The following ZNF331 variants were observed in gnomAD, a reference collection of about 807,000 sequenced individuals.
ZNF331 encodes C2H2-like zinc finger protein rearranged in thyroid adenomas.
In ZNF331, 2 loss-of-function variants were observed where a neutral mutation model predicts 7.0. That is an observed-to-expected ratio of 0.29 (90% confidence interval 0.12 to 0.90). The LOEUF (loss-of-function observed/expected upper bound fraction) is 0.90. Among genes scored for constraint, ZNF331 ranks in the 40% least tolerant of loss-of-function variants. The pLI is 0.58. For missense variants in ZNF331, 432 were observed against 587.7 expected, an observed-to-expected ratio of 0.74 and a Z score of 2.74; for synonymous variants, 196 against 205.4, an observed-to-expected ratio of 0.95 and a Z score of 0.39.
At chr19:53,506,297 C>T in the ZNF331 span, among the ~76,000 whole-genome samples, 20,738 of 62,382 alleles carry the variant, frequency 0.33, 4,094 homozygotes, top group African/African-American at 0.41. Context: ...ATCGCGCCAC[C>T]GCACTCCAGC....
intron 3 of ZNF331, among the ~76,000 whole-genome samples, chr19:53,563,009 C>G (rs2089973239): frequency 1.3e-5 from 2 of 151,734 alleles, no homozygotes; most frequent in Non-Finnish European, 2.9e-5. Context: ...AAACAAAAAA[C>G]CAGATTCACC....
chr19:53,569,301 T>G lies in ZNF331; in HGVS notation c.-73-3T>G. 6.4e-7 allele frequency: 1 copy of G among 1,555,174 alleles called. No homozygotes were observed. The highest frequency in any genetic ancestry group is 1.7e-5 in the Admixed American group (1 of 58,340). The stretch of plus-strand genomic sequence containing the variant: ...GTTTTAATCTCTTTTTTTCCACCCC[T>G]AGCTCTAGCCTCTCGGAATTTGTCT... On this transcript the variant is annotated splice_region_variant and splice_polypyrimidine_tract_variant and intron_variant, in intron 3 of 5. Coordinates refer to ENST00000449416, the MANE Select transcript of ZNF331 (RefSeq NM_001079906.2).
chr19:53,514,752 G>A (rs549072677), upstream of ZNF331, among the ~76,000 whole-genome samples: 1 of 148,124 alleles, frequency 6.8e-6, no homozygotes, highest in African/African-American at 2.5e-5. Context: ...CCGGGTTCAC[G>A]CCATCCTCCT....
rs115162481 is a variant in ZNF331, at chr19:53,546,584, G to A, written c.-138+7302G>A. Among the ~76,000 whole-genome samples, 746 of 151,728 alleles carry A rather than the reference G, an allele frequency of 4.9e-3. 4 individuals carry two copies. Among genetic ancestry groups the A allele is most frequent in the African/African-American group, 0.014 (580 of 41,356 alleles). ...CTCCCTCCTAGAGGTTCATGTTAGC[G>A]CGCTTTATTTTACAGTGTGCTTGGG... On this transcript the variant is annotated intron_variant, in intron 2 of 5. Coordinates refer to ENST00000449416, the MANE Select transcript of ZNF331 (RefSeq NM_001079906.2).
the ZNF331 span, among the ~76,000 whole-genome samples, chr19:53,514,413 C>T: frequency 6.6e-6 from 1 of 151,840 alleles, no homozygotes; most frequent in African/African-American, 2.4e-5. Context: ...ATCGGTCAGG[C>T]TGGTCTCAAA....
intron 3 of ZNF331, among the ~76,000 whole-genome samples, chr19:53,559,285 C>T (rs952375447): frequency 1.1e-4 from 17 of 150,366 alleles, no homozygotes; most frequent in Non-Finnish European, 2.5e-4. Flanking sequence ...TACATATATA[C>T]ATACCATACG....
chr19:53,546,652 C>T (rs2088638730), intron 2 of ZNF331, among the ~76,000 whole-genome samples: 1 of 151,854 alleles, frequency 6.6e-6, no homozygotes, highest in Admixed American at 6.6e-5. Context: ...ACACAGATAT[C>T]TTTGGTCTTT....
intron 2 of ZNF331, among the ~76,000 whole-genome samples, chr19:53,531,874 A>C (rs984057603): frequency 1.3e-5 from 2 of 152,200 alleles, no homozygotes; most frequent in African/African-American, 4.8e-5. Flanking sequence ...TAAAACGTTC[A>C]GCAGTAAAGG....
At chr19:53,550,621 C>T (rs544445379) in intron 2 of ZNF331, among the ~76,000 whole-genome samples, 1 of 128,600 alleles carries the variant, frequency 7.8e-6, no homozygotes, top group Admixed American at 1.0e-4. Context: ...ACTGCAACTT[C>T]CGCCTCCCAA....
At chr19:53,504,905 G>T in the ZNF331 span, among the ~76,000 whole-genome samples, 1 of 152,192 alleles carries the variant, frequency 6.6e-6, no homozygotes, top group Non-Finnish European at 1.5e-5. Flanking sequence ...ACCCAAACTG[G>T]AGTGAAATGA....
intron 2 of ZNF331, among the ~76,000 whole-genome samples, chr19:53,552,566 G>A (rs868057000): frequency 4.1e-4 from 62 of 151,246 alleles, no homozygotes; most frequent in African/African-American, 1.5e-3. Flanking sequence ...AAAAAAAAAA[G>A]AAAAAAAATT....
intron 2 of ZNF331, among the ~76,000 whole-genome samples, chr19:53,551,318 C>T (rs957109471): frequency 1.3e-5 from 2 of 152,176 alleles, no homozygotes; most frequent in Non-Finnish European, 2.9e-5. Flanking sequence ...TAGTCCTCCA[C>T]TTCCCCTCTA....
chr19:53,527,944 A>C (rs993701378), intron 2 of ZNF331, among the ~76,000 whole-genome samples: 1 of 152,242 alleles, frequency 6.6e-6, no homozygotes, highest in Admixed American at 6.5e-5. Context: ...ATGCCTTCCA[A>C]ATATACACAA....
intron 1 of ZNF331, chr19:53,522,495 A>C (rs1370730666): frequency 6.6e-6 from 1 of 152,022 alleles, no homozygotes. Flanking sequence ...TCGGCTTCCC[A>C]AAGTTCTGGG....
At chr19:53,519,925 G>C (rs537061338), upstream of ZNF331, among the ~76,000 whole-genome samples, 30 of 152,256 alleles carry the variant, frequency 2.0e-4, no homozygotes, top group African/African-American at 5.5e-4. Flanking sequence ...TTTCCAGCTC[G>C]GGGCTGTATT....
At position 53,577,810 on chromosome 19, in the gene ZNF331, G is replaced by A; in HGVS notation, c.1250G>A (p.Gly417Glu). 1 of 1,614,040 alleles carries A rather than the reference G, an allele frequency of 6.2e-7. No homozygotes were observed. Among genetic ancestry groups the A allele is most frequent in the Non-Finnish European group, 8.5e-7 (1 of 1,180,026 alleles). The change falls in exon 6 of 6, where the codon GGG (glycine) becomes GAG (glutamate). Residue 417 changes from glycine (G) to glutamate (E), a missense_variant. By Grantham distance (98) the Gly-to-Glu change is moderately conservative. Around this residue, in one of 3 missense-constraint regions of ZNF331, gnomAD observed 312 missense variants for 448.6 expected, o/e 0.70. Coordinates refer to ENST00000449416, the MANE Select transcript of ZNF331 (RefSeq NM_001079906.2). ...AAACCCTATGGGTGTACAGAATGTG[G>A]GAAGAGCTTTAGTCACGGCCATCAG... ...GVKPYGCTEC[G>E]KSFSHGHQLT...
At chr19:53,506,444 GTCTCTCTCTCTCTCTCTCTCTCTC>G in the ZNF331 span, among the ~76,000 whole-genome samples, 1 of 86,254 alleles carries the variant, frequency 1.2e-5, no homozygotes, top group Non-Finnish European at 2.2e-5. Context: ...CTCTCTCTCT[GTCTCTCTCTCTCTCTCTCTCTCTC>G]TCTCTCTCTC....
At chr19:53,576,103 G>A (rs1256091272) in intron 5 of ZNF331, among the ~76,000 whole-genome samples, 1 of 152,120 alleles carries the variant, frequency 6.6e-6, no homozygotes, top group Non-Finnish European at 1.5e-5. Context: ...CCCTGCCTCA[G>A]CCTCCCGAGT....
intron 2 of ZNF331, among the ~76,000 whole-genome samples, chr19:53,547,731 G>A (rs1177517140): frequency 1.3e-5 from 2 of 152,042 alleles, no homozygotes; most frequent in Admixed American, 1.3e-4. Context: ...CATGTATGAG[G>A]TGATATCTCA....
Sources: gnomAD v4.1 joint callset for allele counts (sites outside exome capture counted in the v4.1 genomes callset) on GRCh38, gnomAD v4.1.1 for gene constraint, gnomAD v4.1.1 regional missense constraint, MANE v1.5 for transcripts, NCBI Gene and HGNC (gene_info 2026-07-23, HGNC 2026-07-21) for gene names.